The following PSG8 variants were observed in gnomAD, a reference collection of about 807,000 sequenced individuals.
PSG8 encodes the protein pregnancy specific beta-1-glycoprotein 8, also known as pregnancy-specific beta-1-glycoprotein 8.
Under a neutral mutation model 42.5 loss-of-function variants are expected in PSG8, and 57 were observed. The ratio of observed to expected loss-of-function variants is 1.34; its 90% CI spans 1.08 to 1.67. The LOEUF is 1.67. Among genes scored for constraint, PSG8 ranks in the 40% most tolerant of loss-of-function variants. The pLI is 0.00. For synonymous variants in PSG8, 280 were observed against 196.8 expected (o/e 1.42, Z -3.54); for missense variants, 783 against 518.6 (o/e 1.51, Z -4.95).
chr19:42,752,989 C>G, downstream of PSG8: 1 of 479,612 alleles, frequency 2.1e-6, no homozygotes, highest in Non-Finnish European at 3.8e-6. Flanking sequence ...TATTGTTACC[C>G]TCAGAAGCTA....
rs1969978137 is a variant in PSG8 at position 42,758,158 on chromosome 19, G to A, written c.553C>T (p.Gln185Ter). The change falls in exon 3 of 5, where the codon CAG becomes TAG. Residue 185 changes from glutamine (Q) to a stop codon, truncating the protein, a stop_gained. Coordinates refer to ENST00000306511, the MANE Select transcript of PSG8 (RefSeq NM_182707.3). LOFTEE classifies it high-confidence loss of function. Reference sequence around the variant, plus strand: ...AACCTGTGAGACATAGGGAGGCTCTGACCATTCATCCACCACAGGTAGCTT... The same window carrying A: ...AACCTGTGAGACATAGGGAGGCTCTAACCATTCATCCACCACAGGTAGCTT... ...DASYLWWMNG[Q>*]SLPMSHRLQL... is the part of the protein sequence containing the mutation. 8 of 1,614,020 alleles carry A rather than the reference G, an allele frequency of 5.0e-6. No individual in the cohort carries two copies. The highest frequency in any genetic ancestry group is 5.9e-6 in the Non-Finnish European group (7 of 1,179,978).
In PSG8 at chr19:42,761,252, T is replaced by A. The variant is rs1034721526; in HGVS notation, c.430+2664A>T. Among the ~76,000 whole-genome samples the A allele has an allele frequency of 2.6e-5, 4 of 152,184 alleles. No homozygotes were observed. The East Asian group carries it at 7.7e-4, about 29-fold the overall frequency. ...AGGAATTTAGTTTATGGTTTAAATT[T>A]GAAGCAAGAATGATAATAGTTCCTC... is the stretch of plus-strand genomic sequence containing the variant. On this transcript the variant is annotated intron_variant, in intron 2 of 4. Transcript: ENST00000306511.
At chr19:42,753,199 A>G (rs1969824032), downstream of PSG8, 9 of 763,804 alleles carry the variant, frequency 1.2e-5, no homozygotes, top group South Asian at 6.8e-5. Flanking sequence ...GGTGTCGAAC[A>G]TTTTAGTGAG....
At chr19:42,760,792 C>T (rs953798907) in intron 2 of PSG8, among the ~76,000 whole-genome samples, 5 of 152,076 alleles carry the variant, frequency 3.3e-5, no homozygotes, top group African/African-American at 1.2e-4. Flanking sequence ...CCATGTTAGC[C>T]AGGATGGTCT....
At chr19:42,758,471 A>T in intron 2 of PSG8, 191 bp from the exon 3 acceptor site, 1 of 1,228,974 alleles carries the variant, frequency 8.1e-7, no homozygotes, top group South Asian at 1.6e-5. Flanking sequence ...TGCCTGCTTC[A>T]TGTAGAAACA....
At chr19:42,762,484 G>T (rs1044486600) in intron 2 of PSG8, among the ~76,000 whole-genome samples, 2 of 152,066 alleles carry the variant, frequency 1.3e-5, no homozygotes, top group African/African-American at 4.8e-5. Flanking sequence ...CTAGGATTCT[G>T]CATGCAAATT....
chr19:42,759,211 C>A lies in PSG8; in HGVS notation c.431-931G>T, dbSNP rs567888651. ...TGGGAAGAAGCCTTGCAGATACTTT[C>A]TCTCATTAGACATTCTACTCTCTGA... On this transcript the variant is annotated intron_variant, in intron 2 of 4. Transcript: ENST00000306511. Among the ~76,000 whole-genome samples, 91 of 152,224 alleles carry A rather than the reference C, an allele frequency of 6.0e-4. 1 individual carries two copies. Among genetic ancestry groups the A allele is most frequent in the Non-Finnish European group, 1.1e-3 (76 of 68,016 alleles).
At position 42,755,034 on chromosome 19, in the gene PSG8, G is replaced by T. The variant is rs776959430; in HGVS notation, c.942C>A (p.Asp314Glu). ...ETGPYQCEIR[D>E]QYGGIRSYPV... ...GGTAACTGCGGATGCCACCATATTG[G>T]TCCCTTATTTCACATTGATAGGGTC... Residue 314 changes from aspartate to glutamate, a missense_variant, in exon 4 of 5, where the codon GAC becomes GAA. Coordinates refer to ENST00000306511, the MANE Select transcript of PSG8 (RefSeq NM_182707.3). 8.1e-6 allele frequency: 13 copies of T among 1,613,118 alleles called. No individual in the cohort carries two copies. The highest frequency in any genetic ancestry group is 1.8e-4 in the Middle Eastern group (1 of 5,582).
chr19:42,755,219 C>T lies in PSG8; in HGVS notation c.757G>A (p.Glu253Lys), dbSNP rs1222833818. Residue 253 changes from glutamate to lysine, a missense_variant, in exon 4 of 5, where the codon GAG (glutamate) becomes AAG (lysine). Transcript: ENST00000306511. Reference protein sequence around the residue: ...YITINNLKPRENKDVLNFTCE... With the variant: ...YITINNLKPRKNKDVLNFTCE... ...GTGAAGTTTAAGACATCCTTATTCT[C>T]CCTGGGTTTTAAGTTGTTGATGGTG... The T allele has an allele frequency of 6.2e-7, 1 of 1,612,064 alleles. No homozygotes were observed.
chr19:42,759,692 G>C (rs1333360596), intron 2 of PSG8, among the ~76,000 whole-genome samples: 1 of 152,104 alleles, frequency 6.6e-6, no homozygotes, highest in African/African-American at 2.4e-5. Flanking sequence ...GTTGTCAGGA[G>C]TTTAGACCTC....
rs57440746 is a variant in PSG8, at chr19:42,755,394, C to T, written c.710-128G>A. Reference sequence around the variant, plus strand: ...AGTCCTTGAAAGCCAATAGCTGGTGCGTGTGTCACAAGACAGATGCATGAT... The same window carrying T: ...AGTCCTTGAAAGCCAATAGCTGGTGTGTGTGTCACAAGACAGATGCATGAT... On this transcript the variant is annotated intron_variant, in intron 3 of 4. Coordinates refer to ENST00000306511, the MANE Select transcript of PSG8 (RefSeq NM_182707.3). 3.6e-4 allele frequency: 541 copies of T among 1,506,142 alleles called. 4 individuals are homozygous for T. The African/African-American group carries it at 4.9e-3, about 14-fold the overall frequency. 93.3% of individuals were successfully genotyped at this position (1,506,142 alleles called of 1,614,324 possible). A position where few individuals can be genotyped will look rare whatever the true frequency, so the allele number is the denominator to read the frequency against.
chr19:42,762,437 C>A (rs1266470940), intron 2 of PSG8, among the ~76,000 whole-genome samples: 1 of 151,994 alleles, frequency 6.6e-6, no homozygotes, highest in Non-Finnish European at 1.5e-5. Context: ...TGGGTGTCAG[C>A]CTCTGAAGGA....
chr19:42,754,106 A>G (rs1417607365), downstream of PSG8: 7 of 1,200,006 alleles, frequency 5.8e-6, no homozygotes, highest in African/African-American at 3.1e-5. Flanking sequence ...ATTGAAATCA[A>G]TGTTTTTCCT....
rs552402244 is a variant in PSG8, at chr19:42,758,407, G to A, written c.431-127C>T. The A allele has an allele frequency of 1.6e-5, 24 of 1,518,262 alleles. No individual in the cohort carries two copies. In the Admixed American group the frequency reaches 2.1e-4, roughly 14 times the overall value. 94.0% of individuals were successfully genotyped at this position (1,518,262 alleles called of 1,614,324 possible). On this transcript the variant is annotated intron_variant, in intron 2 of 4. Coordinates refer to ENST00000306511, the MANE Select transcript of PSG8 (RefSeq NM_182707.3). ...AAGTCCTTAAAAGCCCATGGCAGGTGTGTGTGTTGCAAGACAGATGCAGGG... is the reference window on the plus strand; with the variant it reads ...AAGTCCTTAAAAGCCCATGGCAGGTATGTGTGTTGCAAGACAGATGCAGGG...
chr19:42,758,389 T>C, intron 2 of PSG8, 109 bp from the exon 3 acceptor site: 2 of 1,532,754 alleles, frequency 1.3e-6, no homozygotes, highest in Non-Finnish European at 1.8e-6. Context: ...CCCAAGTCCT[T>C]AAAAGCCCAT....
chr19:42,758,399 T>G (rs1969987754), intron 2 of PSG8, 119 bp from the exon 3 acceptor site: 1 of 1,523,396 alleles, frequency 6.6e-7, no homozygotes, highest in Non-Finnish European at 8.8e-7. Context: ...TAAAAGCCCA[T>G]GGCAGGTGTG....
Position 42,755,074 on chromosome 19 carries a change from G to C in PSG8, c.902C>G (p.Thr301Arg). ...ENRILILPSV[T>R]RNETGPYQCE... ...TTGATAGGGTCCTGTTTCATTTCTC[G>C]TGACACTGGGTAGAATGAGGATCCT... The change falls in exon 4 of 5, where the codon ACG (threonine) becomes AGG (arginine). Residue 301 changes from threonine (T) to arginine (R), a missense_variant. Transcript: ENST00000306511. 2 of 1,612,352 alleles carry C rather than the reference G, an allele frequency of 1.2e-6. No homozygotes were observed. The highest frequency in any genetic ancestry group is 8.5e-7 in the Non-Finnish European group (1 of 1,179,800).
intron 4 of PSG8, 43 bp downstream of exon 4, chr19:42,754,945 T>G (rs1490518577): frequency 1.3e-6 from 2 of 1,579,158 alleles, no homozygotes; most frequent in South Asian, 1.2e-5. Context: ...TCGTTTTGAT[T>G]TAAGCTGGTG....
At chr19:42,753,042 A>G, downstream of PSG8, 1 of 569,108 alleles carries the variant, frequency 1.8e-6, no homozygotes, top group Non-Finnish European at 3.1e-6. Flanking sequence ...TGCCAAGTGA[A>G]AGAGGCAGGC....
Sources: gnomAD v4.1 joint callset for allele counts (sites outside exome capture counted in the v4.1 genomes callset) on GRCh38, gnomAD v4.1.1 for gene constraint, MANE v1.5 for transcripts, NCBI Gene and HGNC (gene_info 2026-07-23, HGNC 2026-07-21) for gene names.